The following LARGE1 variants were observed in gnomAD, a reference collection of about 807,000 sequenced individuals.
The protein encoded by LARGE1 is LARGE xylosyl- and glucuronyltransferase 1, also known as xylosyl- and glucuronyltransferase LARGE1.
In LARGE1, 43 loss-of-function variants were observed where a neutral mutation model predicts 87.6. The ratio of observed to expected loss-of-function variants is 0.49; its 90% CI spans 0.38 to 0.63. The LOEUF is 0.63. Among genes scored for constraint, LARGE1 ranks in the 30% least tolerant of loss-of-function variants. The probability of loss-of-function intolerance (pLI) is 0.00; values close to 1 mark genes in which losing one functional copy is unlikely to be tolerated. For missense variants in LARGE1, 802 were observed against 1,000.2 expected, an observed-to-expected ratio of 0.80 and a Z score of 2.67; for synonymous variants, 434 against 394.6, an observed-to-expected ratio of 1.10 and a Z score of -1.18.
chr22:33,497,905 G>T (rs2070224062), intron 6 of LARGE1, among the ~76,000 whole-genome samples: 1 of 152,062 alleles, frequency 6.6e-6, no homozygotes, highest in South Asian at 2.1e-4. Context: ...TTATTTTTGA[G>T]ACAGTCTTGC....
chr22:33,503,034 G>A (rs574458803), intron 6 of LARGE1, among the ~76,000 whole-genome samples: 7 of 152,156 alleles, frequency 4.6e-5, no homozygotes, highest in Non-Finnish European at 8.8e-5. Context: ...GTTGAGGTTC[G>A]AATCAGGTAT....
chr22:33,756,664 T>C (rs1266302744), intron 2 of LARGE1, among the ~76,000 whole-genome samples: 3 of 152,020 alleles, frequency 2.0e-5, no homozygotes, highest in Non-Finnish European at 2.9e-5. Flanking sequence ...TGCCAGATAA[T>C]GCGAGGCAGT....
At chr22:33,189,463 T>A (rs1176929924) in intron 11 of LARGE1, among the ~76,000 whole-genome samples, 4 of 151,598 alleles carry the variant, frequency 2.6e-5, no homozygotes, top group Non-Finnish European at 5.9e-5. Flanking sequence ...GTTTCTTGAT[T>A]CACACACACA....
chr22:33,339,974 T>C (rs1938965482), intron 9 of LARGE1, among the ~76,000 whole-genome samples: 1 of 152,190 alleles, frequency 6.6e-6, no homozygotes, highest in South Asian at 2.1e-4. Context: ...CCTAGAATAT[T>C]TAATAGTACT....
At chr22:33,119,476 T>A in the LARGE1 span, among the ~76,000 whole-genome samples, 1 of 152,182 alleles carries the variant, frequency 6.6e-6, no homozygotes, top group South Asian at 2.1e-4. Flanking sequence ...GGTATGTTTC[T>A]CAGTGTTCTA....
chr22:33,540,827 G>A lies in LARGE1; in HGVS notation c.787+24021C>T, dbSNP rs567761022. On this transcript the variant is annotated intron_variant, in intron 6 of 14. Coordinates refer to ENST00000397394, the MANE Select transcript of LARGE1 (RefSeq NM_133642.5). ...CAACTGCACTCAGAGAAGAGAAGGT[G>A]CCCAGTTTTCCTATAAAGTATGGCA... 1.1e-4 allele frequency among the ~76,000 whole-genome samples: 17 copies of A among 152,036 alleles called. No individual in the cohort carries two copies. In the South Asian group the frequency reaches 1.5e-3, roughly 13 times the overall value.
At chr22:33,302,893 C>T (rs1052496860) in intron 12 of LARGE1, among the ~76,000 whole-genome samples, 7 of 152,142 alleles carry the variant, frequency 4.6e-5, no homozygotes, top group African/African-American at 1.4e-4. Flanking sequence ...GGTAGCTATA[C>T]CTGCCTCTGG....
rs77444669 is a variant in LARGE1 at position 33,669,932 on chromosome 22, A to G, written c.107-19264T>C. Among the ~76,000 whole-genome samples the G allele has an allele frequency of 3.3e-3, 500 of 152,324 alleles. 2 individuals carry two copies. The highest frequency in any genetic ancestry group is 0.012 in the African/African-American group (480 of 41,576). On this transcript the variant is annotated intron_variant, in intron 2 of 14. Coordinates refer to ENST00000397394, the MANE Select transcript of LARGE1 (RefSeq NM_133642.5). Reference sequence around the variant, plus strand: ...ATTGACCTGCACTGTTGTTGGTATTATAATTCATGAGGCCTTTTGCTATAA... The same window carrying G: ...ATTGACCTGCACTGTTGTTGGTATTGTAATTCATGAGGCCTTTTGCTATAA...
intron 11 of LARGE1, among the ~76,000 whole-genome samples, chr22:33,315,335 C>T (rs746406129): frequency 2.6e-5 from 4 of 152,308 alleles, no homozygotes; most frequent in South Asian, 2.1e-4. Context: ...AGAAGCAGTG[C>T]ATTGGCTTGT....
intron 9 of LARGE1, among the ~76,000 whole-genome samples, chr22:33,346,582 C>A (rs573214153): frequency 6.6e-6 from 1 of 152,270 alleles, no homozygotes; most frequent in Non-Finnish European, 1.5e-5. Flanking sequence ...GGATTACAGG[C>A]ATGAGCCTCC....
At chr22:33,305,844 CTTTT>C (rs111657762) in intron 11 of LARGE1, among the ~76,000 whole-genome samples, 2 of 136,890 alleles carry the variant, frequency 1.5e-5, no homozygotes. Context: ...TTTTCTTTTT[CTTTT>C]TTTTTTTTTT....
the LARGE1 span, among the ~76,000 whole-genome samples, chr22:33,104,937 TTCTTTCTTTC>T: frequency 3.4e-5 from 4 of 117,350 alleles, no homozygotes; most frequent in African/African-American, 6.0e-5. Flanking sequence ...CTTTCTTTCT[TTCTTTCTTTC>T]TCTTTCTCTC....
intron 6 of LARGE1, among the ~76,000 whole-genome samples, chr22:33,543,598 T>C (rs891862819): frequency 6.6e-6 from 1 of 152,242 alleles, no homozygotes; most frequent in Non-Finnish European, 1.5e-5. Context: ...TTACTTAGCA[T>C]GGGTTCTGTC....
chr22:33,200,352 G>T (rs954061825), intron 11 of LARGE1, among the ~76,000 whole-genome samples: 2 of 152,110 alleles, frequency 1.3e-5, no homozygotes, highest in African/African-American at 4.8e-5. Flanking sequence ...AAGTTGTGGC[G>T]AGGATGTGGA....
At chr22:33,254,358 G>T (rs140271937) in intron 11 of LARGE1, among the ~76,000 whole-genome samples, 1 of 152,346 alleles carries the variant, frequency 6.6e-6, no homozygotes, top group East Asian at 1.9e-4. Context: ...CTTTGAGCAA[G>T]CTCTGACAAT....
At chr22:33,297,837 A>T (rs1464550328) in intron 12 of LARGE1, among the ~76,000 whole-genome samples, 1 of 151,564 alleles carries the variant, frequency 6.6e-6, no homozygotes, top group African/African-American at 2.4e-5. Context: ...AAAATTAGCG[A>T]GGCGTGGTGG....
At chr22:33,133,756 CTG>C in the LARGE1 span, among the ~76,000 whole-genome samples, 1 of 152,178 alleles carries the variant, frequency 6.6e-6, no homozygotes, top group African/African-American at 2.4e-5. Context: ...AATCACCACA[CTG>C]TCTTTCACAA....
chr22:33,769,635 C>T (rs1026654402), intron 1 of LARGE1, among the ~76,000 whole-genome samples: 6 of 152,182 alleles, frequency 3.9e-5, no homozygotes, highest in African/African-American at 1.4e-4. Context: ...GTGGAACTTA[C>T]ACTATGAGAT....
chr22:33,274,029 C>T lies in LARGE1; in HGVS notation c.*398G>A. The T allele has an allele frequency of 5.3e-6, 2 of 380,440 alleles. No homozygotes were observed. Among genetic ancestry groups the T allele is most frequent in the Middle Eastern group, 1.5e-3 (2 of 1,310 alleles). The allele number at this position is 380,440 out of a possible 1,614,324, so 23.6% of individuals were successfully genotyped here. On this transcript the variant is annotated 3_prime_UTR_variant, in exon 15 of 15. Coordinates refer to ENST00000397394, the MANE Select transcript of LARGE1 (RefSeq NM_133642.5). ...ACTTCTATTTCCTGGGACGAATAAC[C>T]CCTAGAACCCTGACTTCCCTTTCTC... is the stretch of plus-strand genomic sequence containing the variant.
Sources: allele counts gnomAD v4.1 joint callset (sites outside exome capture counted in the v4.1 genomes callset), GRCh38; gene constraint gnomAD v4.1.1; transcripts MANE v1.5; gene names NCBI Gene and HGNC (gene_info 2026-07-23, HGNC 2026-07-21).